The following DNAJC1 variants were observed in gnomAD, a reference collection of about 807,000 sequenced individuals.
DNAJC1 encodes DnaJ heat shock protein family (Hsp40) member C1.
In DNAJC1, 58 loss-of-function variants were observed where a neutral mutation model predicts 76.6. The ratio of observed to expected loss-of-function variants is 0.76; its 90% CI spans 0.61 to 0.94. The LOEUF (loss-of-function observed/expected upper bound fraction) is 0.94, where lower values mean the gene tolerates loss of function less well. Among genes scored for constraint, DNAJC1 ranks in the 40% least tolerant of loss-of-function variants. DNAJC1 has a pLI of 0.00. For synonymous variants in DNAJC1, 258 were observed against 267.9 expected (o/e 0.96, Z 0.36); for missense variants, 689 against 677.3 (o/e 1.02, Z -0.19).
intron 9 of DNAJC1, among the ~76,000 whole-genome samples, chr10:21,794,497 T>C (rs1219612023): frequency 2.0e-5 from 3 of 152,096 alleles, no homozygotes; most frequent in South Asian, 2.1e-4. Context: ...ATAGAGTCAA[T>C]GCAAATGAAC....
intron 9 of DNAJC1, among the ~76,000 whole-genome samples, chr10:21,790,852 A>G (rs1405981809): frequency 6.6e-6 from 1 of 152,210 alleles, no homozygotes; most frequent in Non-Finnish European, 1.5e-5. Flanking sequence ...ACAAAATGAC[A>G]GGAGTAAGTC....
intron 1 of DNAJC1, among the ~76,000 whole-genome samples, chr10:21,932,187 T>G (rs1837239001): frequency 6.6e-6 from 1 of 151,702 alleles, no homozygotes; most frequent in African/African-American, 2.4e-5. Flanking sequence ...AAAAAATTGT[T>G]TAATTAGCTG....
Position 21,862,970 on chromosome 10 carries a change from TAA to T in DNAJC1, c.978+19310_978+19311del, listed in dbSNP as rs1310869855. On this transcript the variant is annotated intron_variant, in intron 8 of 11. Transcript: ENST00000376980. ...CAACATGGAGTAATCCCATCTATAC[TAA>T]AAATACAAAATTAGCAAGGCATGGT... is the stretch of plus-strand genomic sequence containing the variant. Among the ~76,000 whole-genome samples, 5 of 151,942 alleles carry T rather than the reference TAA, an allele frequency of 3.3e-5. No individual in the cohort carries two copies. The South Asian group carries it at 1.0e-3, about 32-fold the overall frequency.
At chr10:21,771,921 C>T (rs1355037032) in intron 9 of DNAJC1, among the ~76,000 whole-genome samples, 2 of 152,122 alleles carry the variant, frequency 1.3e-5, no homozygotes, top group Admixed American at 1.3e-4. Context: ...GCCACTTGAT[C>T]ATGGTAATAA....
At chr10:21,944,720 T>A (rs536070787) in intron 1 of DNAJC1, among the ~76,000 whole-genome samples, 1 of 152,312 alleles carries the variant, frequency 6.6e-6, no homozygotes, top group South Asian at 2.1e-4. Flanking sequence ...AATCATGTTG[T>A]ACACCTTAAT....
chr10:21,826,026 C>T (rs758208865), intron 8 of DNAJC1, among the ~76,000 whole-genome samples: 5 of 152,052 alleles, frequency 3.3e-5, no homozygotes, highest in Non-Finnish European at 5.9e-5. Flanking sequence ...CGCCAGAGGT[C>T]AGGAGTTTGA....
intron 8 of DNAJC1, among the ~76,000 whole-genome samples, chr10:21,849,873 T>G (rs1290350106): frequency 6.6e-6 from 1 of 151,978 alleles, no homozygotes; most frequent in African/African-American, 2.4e-5. Context: ...AAACCACACA[T>G]GATCATCTCA....
intron 8 of DNAJC1, among the ~76,000 whole-genome samples, chr10:21,877,331 C>A (rs1003816909): frequency 6.6e-6 from 1 of 150,440 alleles, no homozygotes; most frequent in Admixed American, 6.6e-5. Context: ...TAGAAAACAC[C>A]AAATAAGGAA....
At chr10:21,795,068 G>C (rs1446817754) in intron 9 of DNAJC1, among the ~76,000 whole-genome samples, 1 of 151,546 alleles carries the variant, frequency 6.6e-6, no homozygotes, top group Non-Finnish European at 1.5e-5. Flanking sequence ...TTTCAGATTT[G>C]GGATGTCTAA....
Position 21,756,603 on chromosome 10 carries a change from T to C in DNAJC1, c.*84A>G, listed in dbSNP as rs1589968034. ...ACTAAGGCACATGACGTAGAAATAT[T>C]GAGGTACAAAATGCAAATTTCTGCA... On this transcript the variant is annotated 3_prime_UTR_variant, in exon 12 of 12. Coordinates refer to ENST00000376980, the MANE Select transcript of DNAJC1 (RefSeq NM_022365.4). 11 of 924,204 alleles carry C rather than the reference T, an allele frequency of 1.2e-5. No individual in the cohort carries two copies. The East Asian group carries it at 1.5e-4, about 12-fold the overall frequency. 57.3% of individuals were successfully genotyped at this position (924,204 alleles called of 1,614,324 possible). A position where few individuals can be genotyped will look rare whatever the true frequency, so the allele number is the denominator to read the frequency against.
At chr10:21,797,086 C>A (rs1315682612) in intron 9 of DNAJC1, among the ~76,000 whole-genome samples, 2 of 152,020 alleles carry the variant, frequency 1.3e-5, no homozygotes, top group South Asian at 2.1e-4. Context: ...TCAGGTCTTA[C>A]AGTTAAGACT....
intron 7 of DNAJC1, among the ~76,000 whole-genome samples, chr10:21,893,883 G>T (rs1379442334): frequency 4.6e-5 from 7 of 151,806 alleles, no homozygotes; most frequent in Non-Finnish European, 7.4e-5. Context: ...ATTAAACAAA[G>T]AACTGATCCT....
At chr10:21,909,836 T>C (rs868778953) in intron 6 of DNAJC1, among the ~76,000 whole-genome samples, 25 of 152,210 alleles carry the variant, frequency 1.6e-4, no homozygotes, top group African/African-American at 5.8e-4. Flanking sequence ...ACATCATTGC[T>C]CTGAGCTCCT....
At chr10:21,932,256 CT>C (rs1837240161) in intron 1 of DNAJC1, among the ~76,000 whole-genome samples, 1 of 152,130 alleles carries the variant, frequency 6.6e-6, no homozygotes, top group Non-Finnish European at 1.5e-5. Context: ...GGGGGTGTTA[CT>C]TGAGCCCAGG....
intron 8 of DNAJC1, among the ~76,000 whole-genome samples, chr10:21,828,897 TAATCC>T (rs2131666106): frequency 6.6e-6 from 1 of 152,366 alleles, no homozygotes; most frequent in East Asian, 1.9e-4. Flanking sequence ...TATATCAGAA[TAATCC>T]ATATAAGGCA....
chr10:21,777,509 T>A (rs1834466978), intron 9 of DNAJC1, among the ~76,000 whole-genome samples: 1 of 152,222 alleles, frequency 6.6e-6, no homozygotes, highest in African/African-American at 2.4e-5. Flanking sequence ...CATAGCCACA[T>A]AAACTGGCCA....
intron 10 of DNAJC1, among the ~76,000 whole-genome samples, chr10:21,761,969 G>A (rs965969235): frequency 8.6e-5 from 13 of 152,014 alleles, no homozygotes; most frequent in African/African-American, 2.7e-4. Context: ...GTGAAGGGGC[G>A]CGATTTTGCC....
intron 8 of DNAJC1, among the ~76,000 whole-genome samples, chr10:21,835,789 A>G (rs1291593269): frequency 6.6e-6 from 1 of 152,198 alleles, no homozygotes; most frequent in Non-Finnish European, 1.5e-5. Flanking sequence ...AAGAATGAAA[A>G]GAAACGAACA....
At chr10:21,759,691 C>T (rs1265422483) in intron 10 of DNAJC1, 73 bp from the exon 11 acceptor site, 22 of 1,453,450 alleles carry the variant, frequency 1.5e-5, no homozygotes, top group Middle Eastern at 3.9e-4. Context: ...CAGCAGCTGC[C>T]GGGCACAGAG....
Sources: gnomAD v4.1 joint callset for allele counts (sites outside exome capture counted in the v4.1 genomes callset) on GRCh38, gnomAD v4.1.1 for gene constraint, MANE v1.5 for transcripts, NCBI Gene and HGNC (gene_info 2026-07-23, HGNC 2026-07-21) for gene names.